TMEM259: variants seen among roughly 807,000 people sequenced by gnomAD.
The protein encoded by TMEM259 is membralin.
TMEM259 carries 26 observed loss-of-function variants against 46.7 expected under a neutral mutation model. The ratio of observed to expected loss-of-function variants is 0.56; its 90% CI spans 0.41 to 0.77. The LOEUF (loss-of-function observed/expected upper bound fraction) is 0.77. Among genes scored for constraint, TMEM259 ranks in the 30% least tolerant of loss-of-function variants. The probability of loss-of-function intolerance (pLI) is 0.00; values close to 1 mark genes in which losing one functional copy is unlikely to be tolerated. For missense variants in TMEM259, 930 were observed against 900.5 expected, an observed-to-expected ratio of 1.03 and a Z score of -0.42; for synonymous variants, 494 against 395.1, an observed-to-expected ratio of 1.25 and a Z score of -2.97.
intron 1 of TMEM259, among the ~76,000 whole-genome samples, chr19:1,018,113 G>A (rs2039169580): frequency 6.6e-6 from 1 of 152,222 alleles, no homozygotes; most frequent in Non-Finnish European, 1.5e-5. Context: ...TCCACTTGGT[G>A]GTCACCTGGG....
At chr19:1,012,373 A>G (rs780593136) in intron 4 of TMEM259, 90 bp downstream of exon 4, 6 of 1,509,934 alleles carry the variant, frequency 4.0e-6, no homozygotes, top group East Asian at 2.5e-5. Context: ...CTTCCTGCAC[A>G]GCCCCCCGTC....
At chr19:1,016,863 C>T (rs2039128788) in intron 1 of TMEM259, among the ~76,000 whole-genome samples, 1 of 152,184 alleles carries the variant, frequency 6.6e-6, no homozygotes, top group African/African-American at 2.4e-5. Context: ...CCCATGAAGA[C>T]AGCGGACGTG....
rs2039273136 is a variant in TMEM259 at position 1,020,896 on chromosome 19, G to A, written c.101C>T (p.Pro34Leu). 4.6e-6 allele frequency: 6 copies of A among 1,309,386 alleles called. No homozygotes were observed. Among genetic ancestry groups the A allele is most frequent in the Non-Finnish European group, 5.8e-6 (6 of 1,026,460 alleles). The allele number at this position is 1,309,386 out of a possible 1,614,324, so 81.1% of individuals were successfully genotyped here. A position where few individuals can be genotyped will look rare whatever the true frequency, so the allele number is the denominator to read the frequency against. The part of the protein sequence containing the change: ...ARGPRTPNLN[P>L]NPLINVRDRL... ...GTCGCGCACGTTGATGAGGGGGTTGGGGTTGAGATTGGGGGTGCGAGGCCC... is the reference window on the plus strand; with the variant it reads ...GTCGCGCACGTTGATGAGGGGGTTGAGGTTGAGATTGGGGGTGCGAGGCCC... The change falls in exon 1 of 11, where the codon CCC becomes CTC. Residue 34 changes from proline to leucine, a missense_variant. Coordinates refer to ENST00000356663, the MANE Select transcript of TMEM259 (RefSeq NM_001033026.2). This position sits in a 1 kb window ranked among gnomAD's most constrained non-coding sequence, Gnocchi z 4.0.
chr19:1,019,149 A>T (rs2039204278), intron 1 of TMEM259, among the ~76,000 whole-genome samples: 1 of 152,140 alleles, frequency 6.6e-6, no homozygotes, highest in South Asian at 2.1e-4. Context: ...ACCACCTGTG[A>T]GTGGTATTGG....
In TMEM259 at chr19:1,014,424, C is replaced by T. The variant is rs370174847; in HGVS notation, c.275G>A (p.Arg92His). 26 of 1,612,016 alleles carry T rather than the reference C, an allele frequency of 1.6e-5. No individual in the cohort carries two copies. The highest frequency in any genetic ancestry group is 1.8e-4 in the Middle Eastern group (1 of 5,520). The stretch of plus-strand genomic sequence containing the variant: ...ATGCTCCAGGCAGTTGATGGGCGAG[C>T]GGGAGAAGACGATGTGGATGTAGGC... ...VLAYIHIVFSRSPINCLEHVR... is the reference protein window; with the variant it reads ...VLAYIHIVFSHSPINCLEHVR... Residue 92 changes from arginine to histidine, a missense_variant, in exon 2 of 11, where the codon CGC becomes CAC. Physicochemically the swap from Arg to His is conservative, Grantham distance 29. Transcript: ENST00000356663.
rs539173431 is a variant in TMEM259, at chr19:1,014,047, G to A, written c.507+145C>T. 2.0e-4 allele frequency: 206 copies of A among 1,050,976 alleles called. 2 individuals are homozygous for A. In the South Asian group the frequency reaches 2.7e-3, roughly 14 times the overall value. 65.1% of individuals were successfully genotyped at this position (1,050,976 alleles called of 1,614,324 possible). A position where few individuals can be genotyped will look rare whatever the true frequency, so the allele number is the denominator to read the frequency against. ...AGCCCCCAGGCCACCAAAAGGCCAC[G>A]GCAGGCAGGGGCGGCCTTGTCTGCA... On this transcript the variant is annotated intron_variant, in intron 2 of 10. Transcript: ENST00000356663.
rs1028547238 is a variant in TMEM259 at position 1,010,167 on chromosome 19, C to T, written c.*183G>A. On this transcript the variant is annotated 3_prime_UTR_variant, in exon 11 of 11. Coordinates refer to ENST00000356663, the MANE Select transcript of TMEM259 (RefSeq NM_001033026.2). Reference sequence around the variant, plus strand: ...ACACCTCACTAGCGGGTACAAGCCTCGGGCGCGACCTCACACCAGGGGGAG... The same window carrying T: ...ACACCTCACTAGCGGGTACAAGCCTTGGGCGCGACCTCACACCAGGGGGAG... 5.2e-6 allele frequency: 3 copies of T among 576,996 alleles called. No homozygotes were observed. Among genetic ancestry groups the T allele is most frequent in the Non-Finnish European group, 8.7e-6 (3 of 345,164 alleles). 35.7% of individuals were successfully genotyped at this position (576,996 alleles called of 1,614,324 possible).
At position 1,009,666 on chromosome 19, in the gene TMEM259, C is replaced by T. The variant is rs1004566093; in HGVS notation, c.*684G>A. ...AGCGCAGTGAGCCGCTGTCAACAGA[C>T]AGTTTATTCTATATACAAACACAAT... On this transcript the variant is annotated 3_prime_UTR_variant, in exon 11 of 11. Coordinates refer to ENST00000356663, the MANE Select transcript of TMEM259 (RefSeq NM_001033026.2). The T allele has an allele frequency of 8.0e-7, 1 of 1,255,068 alleles. No individual in the cohort carries two copies. The highest frequency in any genetic ancestry group is 1.9e-5 in the South Asian group (1 of 53,882). 77.7% of individuals were successfully genotyped at this position (1,255,068 alleles called of 1,614,324 possible).
rs569127401 is a variant in TMEM259, at chr19:1,012,144, G to A, written c.763C>T (p.Leu255=). 8.1e-6 allele frequency: 13 copies of A among 1,608,986 alleles called. No homozygotes were observed. The East Asian group carries it at 1.6e-4, about 19-fold the overall frequency. The change falls in exon 5 of 11, where the codon CTG becomes TTG. Residue 255 remains leucine (L), a synonymous_variant. Transcript: ENST00000356663. ...TCGTAGCCCAGGAACTCATCCAGCA[G>A]CAGGCGGCTGAAGCGGTCCCCGAAG... ...QCFGDRFSRL[L]LDEFLGYDDI...
In TMEM259 at chr19:1,010,504, A is replaced by G. The variant is rs767740453; in HGVS notation, c.1709T>C (p.Leu570Pro). The change falls in exon 11 of 11, where the codon CTG becomes CCG. Residue 570 changes from leucine to proline, a missense_variant. By Grantham distance (98) the Leu-to-Pro change is moderately conservative. Transcript: ENST00000356663. Reference protein sequence around the residue: ...SLLERRPASPLGPAGGLPHAP... With the variant: ...SLLERRPASPPGPAGGLPHAP... Reference sequence around the variant, plus strand: ...GTGGGGGAGGCCCCCAGCAGGGCCCAGCGGGCTGGCTGGACGCCGCTCCAG... The same window carrying G: ...GTGGGGGAGGCCCCCAGCAGGGCCCGGCGGGCTGGCTGGACGCCGCTCCAG... 68 of 1,547,504 alleles carry G rather than the reference A, an allele frequency of 4.4e-5. No individual in the cohort carries two copies. Among genetic ancestry groups the G allele is most frequent in the African/African-American group, 4.0e-4 (29 of 72,890 alleles).
At chr19:1,013,531 G>A in intron 2 of TMEM259, 191 bp from the exon 3 acceptor site, 3 of 569,940 alleles carry the variant, frequency 5.3e-6, no homozygotes, top group East Asian at 3.0e-5. Flanking sequence ...AGCCTGCCCT[G>A]CTGTGAGGCC....
chr19:1,010,086 G>A lies in TMEM259; in HGVS notation c.*264C>T. On this transcript the variant is annotated 3_prime_UTR_variant, in exon 11 of 11. Coordinates refer to ENST00000356663, the MANE Select transcript of TMEM259 (RefSeq NM_001033026.2). ...GGACGGTTCACTGCAGACCTACCAA[G>A]ACCCCTCCAGAACCTTCCGCGGAAC... The A allele has an allele frequency of 2.1e-6, 1 of 467,622 alleles. No homozygotes were observed. The highest frequency in any genetic ancestry group is 3.8e-6 in the Non-Finnish European group (1 of 266,560). 29.0% of individuals were successfully genotyped at this position (467,622 alleles called of 1,614,324 possible).
rs568043376 is a variant in TMEM259, at chr19:1,020,181, T to G, written c.225+591A>C. On this transcript the variant is annotated intron_variant, in intron 1 of 10. Coordinates refer to ENST00000356663, the MANE Select transcript of TMEM259 (RefSeq NM_001033026.2). The surrounding 1 kb of genome is among the most constrained non-coding windows in gnomAD (Gnocchi z 4.0). ...CCCTAGCGAGGTGACCTCAGCTAAG[T>G]CACATTCCCCTGAGGCTCAGGAGCG... Among the ~76,000 whole-genome samples the G allele has an allele frequency of 1.4e-5, 2 of 148,130 alleles. No homozygotes were observed. The highest frequency in any genetic ancestry group is 4.3e-4 in the South Asian group (2 of 4,636).
At chr19:1,018,674 A>T (rs2240168) in intron 1 of TMEM259, among the ~76,000 whole-genome samples, 1 of 152,092 alleles carries the variant, frequency 6.6e-6, no homozygotes, top group East Asian at 1.9e-4. Flanking sequence ...ACCGGGTGGA[A>T]AATTCACAAA....
rs376133714 is a variant in TMEM259, at chr19:1,010,108, G to A, written c.*242C>T. 3 of 497,010 alleles carry A rather than the reference G, an allele frequency of 6.0e-6. No homozygotes were observed. The highest frequency in any genetic ancestry group is 4.1e-5 in the African/African-American group (2 of 48,968). 30.8% of individuals were successfully genotyped at this position (497,010 alleles called of 1,614,324 possible). A position where few individuals can be genotyped will look rare whatever the true frequency, so the allele number is the denominator to read the frequency against. On this transcript the variant is annotated 3_prime_UTR_variant, in exon 11 of 11. Coordinates refer to ENST00000356663, the MANE Select transcript of TMEM259 (RefSeq NM_001033026.2). ...CAAGACCCCTCCAGAACCTTCCGCG[G>A]AACCCCACCCCCTCTCCTTGCTGAC...
intron 3 of TMEM259, 149 bp downstream of exon 3, chr19:1,013,092 G>A: frequency 1.5e-6 from 1 of 668,586 alleles, no homozygotes. Context: ...TGTGCTGACA[G>A]ATGGGGAAAT....
chr19:1,014,533 G>A, intron 1 of TMEM259, 60 bp from the exon 2 acceptor site: 2 of 1,544,582 alleles, frequency 1.3e-6, no homozygotes, highest in Non-Finnish European at 8.7e-7. Flanking sequence ...GACACCCAAG[G>A]GCCTACGTGA....
At chr19:1,012,259 C>T in intron 4 of TMEM259, 71 bp from the exon 5 acceptor site, 1 of 1,542,458 alleles carries the variant, frequency 6.5e-7, no homozygotes, top group Non-Finnish European at 8.7e-7. Flanking sequence ...CCAGCTGGCT[C>T]CATTGCTGAG....
At chr19:1,014,804 G>A (rs1187837976) in intron 1 of TMEM259, among the ~76,000 whole-genome samples, 2 of 152,194 alleles carry the variant, frequency 1.3e-5, no homozygotes, top group Admixed American at 1.3e-4. Flanking sequence ...GGGGTGAGCC[G>A]GACGAAGCCA....
Sources: gnomAD v4.1 joint callset for allele counts (sites outside exome capture counted in the v4.1 genomes callset) on GRCh38, gnomAD v4.1.1 for gene constraint, Gnocchi (gnomAD v3.1) non-coding constraint, MANE v1.5 for transcripts, NCBI Gene and HGNC (gene_info 2026-07-23, HGNC 2026-07-21) for gene names.